Variants in GRIP1 observed in about 807,000 individuals in gnomAD.
GRIP1 encodes the protein glutamate receptor interacting protein 1.
GRIP1 carries 45 observed loss-of-function variants against 129.9 expected under a neutral mutation model. That is an observed-to-expected ratio of 0.35 (90% CI 0.27 to 0.44). The LOEUF is 0.44. Among genes scored for constraint, GRIP1 ranks in the 20% least tolerant of loss-of-function variants. The probability of loss-of-function intolerance (pLI) is 1.00; values close to 1 mark genes in which losing one functional copy is unlikely to be tolerated. For synonymous variants in GRIP1, 530 were observed against 520.8 expected (o/e 1.02, Z -0.24); for missense variants, 1,196 against 1,396.8 (o/e 0.86, Z 2.29).
intron 1 of GRIP1, among the ~76,000 whole-genome samples, chr12:66,598,262 C>T (rs2139771385): frequency 6.6e-6 from 1 of 152,224 alleles, no homozygotes; most frequent in South Asian, 2.1e-4. Context: ...ATAAAATTAA[C>T]AAGGTCTTTA....
chr12:66,904,346 T>G (rs1318360820), intron 1 of GRIP1, among the ~76,000 whole-genome samples: 1 of 152,094 alleles, frequency 6.6e-6, no homozygotes, highest in Non-Finnish European at 1.5e-5. Context: ...CATGGAAAAG[T>G]GGAAGTAATG....
chr12:66,979,332 T>C (rs1439254353), intron 1 of GRIP1, among the ~76,000 whole-genome samples: 1 of 149,144 alleles, frequency 6.7e-6, no homozygotes, highest in Non-Finnish European at 1.5e-5. Flanking sequence ...ATTCACACAT[T>C]TTGGCAAGGT....
In GRIP1 at chr12:66,437,793, T is replaced by C. The variant is rs555410958; in HGVS notation, c.1688-5165A>G. Among the ~76,000 whole-genome samples, 481 of 152,204 alleles carry C rather than the reference T, an allele frequency of 3.2e-3. 2 individuals are homozygous for C. Among genetic ancestry groups the C allele is most frequent in the Middle Eastern group, 0.024 (7 of 294 alleles). On this transcript the variant is annotated intron_variant, in intron 13 of 24. Transcript: ENST00000359742. ...TGCACACAATGTTCAACAAATCACCTCCCTGCAACAAAGAATGTCAGTAGG... is the reference window on the plus strand; with the variant it reads ...TGCACACAATGTTCAACAAATCACCCCCCTGCAACAAAGAATGTCAGTAGG...
intron 23 of GRIP1, among the ~76,000 whole-genome samples, chr12:66,363,230 A>ATAT (rs2054915303): frequency 1.7e-5 from 1 of 58,018 alleles, no homozygotes; most frequent in Non-Finnish European, 3.5e-5. Flanking sequence ...TATATATATA[A>ATAT]AGTTTCTGTA....
chr12:67,057,408 G>A (rs2043455763), intron 1 of GRIP1, among the ~76,000 whole-genome samples: 1 of 138,744 alleles, frequency 7.2e-6, no homozygotes. Flanking sequence ...CTGGCACCTT[G>A]ATAATGAATT....
intron 16 of GRIP1, among the ~76,000 whole-genome samples, chr12:66,404,264 T>A (rs2057109262): frequency 6.6e-6 from 1 of 152,106 alleles, no homozygotes; most frequent in African/African-American, 2.4e-5. Context: ...AACTATAGAT[T>A]TTTTTTTACT....
Position 66,516,411 on chromosome 12 carries a change from C to A in GRIP1, c.579-647G>T, listed in dbSNP as rs906797902. Among the ~76,000 whole-genome samples, 4 of 152,110 alleles carry A rather than the reference C, an allele frequency of 2.6e-5. No homozygotes were observed. In the East Asian group the frequency reaches 5.8e-4, roughly 22 times the overall value. On this transcript the variant is annotated intron_variant, in intron 6 of 24. Transcript: ENST00000359742. ...CCAGGGTGGCCCCCAGATAACACTC[C>A]CTGCCTCAGGGAGGGGCACAAAAAT...
At chr12:67,062,334 T>C (rs1344370119) in intron 1 of GRIP1, among the ~76,000 whole-genome samples, 1 of 152,212 alleles carries the variant, frequency 6.6e-6, no homozygotes, top group Non-Finnish European at 1.5e-5. Context: ...ATGTTCATAC[T>C]CTACACTCCA....
At chr12:66,987,670 G>GT (rs1243101627) in intron 1 of GRIP1, among the ~76,000 whole-genome samples, 3 of 152,180 alleles carry the variant, frequency 2.0e-5, no homozygotes, top group Admixed American at 6.5e-5. Context: ...CTTGAGCCTG[G>GT]TTTTTTCAAC....
rs940125985 is a variant in GRIP1, at chr12:66,708,155, A to G, written c.-419-77819T>C. Among the ~76,000 whole-genome samples the G allele has an allele frequency of 7.9e-5, 12 of 152,138 alleles. No individual in the cohort carries two copies. The East Asian group carries it at 2.1e-3, about 27-fold the overall frequency. On this transcript the variant is annotated intron_variant, in intron 1 of 4. Coordinates refer to the GRIP1 transcript ENST00000538373. ...ATAAAATCTCAGTGCTCTCCAACAT[A>G]ACTGGAATGTCTCCTGGGACACATG...
intron 1 of GRIP1, among the ~76,000 whole-genome samples, chr12:66,686,510 T>A (rs1225297789): frequency 6.6e-6 from 1 of 152,212 alleles, no homozygotes; most frequent in African/African-American, 2.4e-5. Flanking sequence ...TGCTAAAAAC[T>A]CTGTAATTCC....
At chr12:66,723,792 G>A (rs1362828478) in intron 1 of GRIP1, among the ~76,000 whole-genome samples, 1 of 152,138 alleles carries the variant, frequency 6.6e-6, no homozygotes, top group African/African-American at 2.4e-5. Context: ...AATTGTCTGA[G>A]GGAGCTTCCA....
At chr12:66,581,270 T>C (rs145218087) in intron 2 of GRIP1, among the ~76,000 whole-genome samples, 2,219 of 151,694 alleles carry the variant, frequency 0.015, 24 homozygotes, top group African/African-American at 0.021. Flanking sequence ...TAGAGGGAAA[T>C]TGATAGCACT....
chr12:66,777,870 T>A (rs1041162738), intron 1 of GRIP1, among the ~76,000 whole-genome samples: 2 of 152,156 alleles, frequency 1.3e-5, no homozygotes, highest in Admixed American at 6.5e-5. Flanking sequence ...TATTTGCCAA[T>A]GTTTACCCTA....
chr12:66,852,559 T>A (rs2039933351), intron 1 of GRIP1, among the ~76,000 whole-genome samples: 1 of 151,310 alleles, frequency 6.6e-6, no homozygotes, highest in Non-Finnish European at 1.5e-5. Flanking sequence ...TATATGTATA[T>A]ATGTATATGC....
rs373865691 is a variant in GRIP1 at position 66,517,938 on chromosome 12, C to T, written c.541G>A (p.Val181Met). The T allele has an allele frequency of 4.4e-6, 7 of 1,599,504 alleles. No individual in the cohort carries two copies. In the African/African-American group the frequency reaches 9.4e-5, roughly 21 times the overall value. ...CCTCCAGGACGAACACATGTTATCA[C>T]AACTGGACGAGATTTATTTCTATCA... ...HDDRNKSRPVVITCVRPGGPA... is the reference protein window; with the variant it reads ...HDDRNKSRPVMITCVRPGGPA... The change falls in exon 6 of 25, where the codon GTG becomes ATG. Residue 181 changes from valine (V) to methionine (M), a missense_variant. Transcript: ENST00000359742.
chr12:66,828,194 G>C (rs1050257477), intron 1 of GRIP1, among the ~76,000 whole-genome samples: 15 of 152,136 alleles, frequency 9.9e-5, no homozygotes, highest in African/African-American at 2.9e-4. Flanking sequence ...ATAAATTATA[G>C]AATTGCAGGC....
At chr12:66,588,131 G>A (rs766798370) in intron 2 of GRIP1, among the ~76,000 whole-genome samples, 1 of 151,564 alleles carries the variant, frequency 6.6e-6, no homozygotes, top group Non-Finnish European at 1.5e-5. Context: ...GGTTTTAAAG[G>A]GGAAACATAA....
chr12:66,687,363 A>G (rs1351130537), intron 1 of GRIP1, among the ~76,000 whole-genome samples: 1 of 152,154 alleles, frequency 6.6e-6, no homozygotes, highest in Non-Finnish European at 1.5e-5. Flanking sequence ...AAAGTAAGGA[A>G]AAGGAAAATT....
Sources: allele counts gnomAD v4.1 joint callset (sites outside exome capture counted in the v4.1 genomes callset), GRCh38; gene constraint gnomAD v4.1.1; transcripts MANE v1.5; gene names NCBI Gene and HGNC (gene_info 2026-07-23, HGNC 2026-07-21).